NKAIN3: variants seen among roughly 807,000 people sequenced by gnomAD.
The protein encoded by NKAIN3 is sodium/potassium-transporting ATPase subunit beta-1-interacting protein 3.
NKAIN3 carries 25 observed loss-of-function variants against 30.2 expected under a neutral mutation model. The observed-to-expected ratio is 0.83, with a 90% CI of 0.60 to 1.16. NKAIN3 has a LOEUF of 1.16. NKAIN3 is among the 50% of genes most tolerant of loss of function. NKAIN3 has a pLI of 0.00. For missense variants in NKAIN3, 225 were observed against 254.1 expected, an observed-to-expected ratio of 0.89 and a Z score of 0.78; for synonymous variants, 91 against 89.6, an observed-to-expected ratio of 1.02 and a Z score of -0.09.
intron 4 of NKAIN3, among the ~76,000 whole-genome samples, chr8:62,859,584 A>T (rs907410979): frequency 1.3e-5 from 2 of 151,728 alleles, no homozygotes; most frequent in South Asian, 2.1e-4. Context: ...AACCAAAACC[A>T]CATAAATATA....
chr8:62,325,505 A>G (rs112209494), intron 1 of NKAIN3, among the ~76,000 whole-genome samples: 11,881 of 151,990 alleles, frequency 0.078, 1,542 homozygotes, highest in African/African-American at 0.27. Context: ...CCTAGCAGTG[A>G]GATTGCTGGA....
intron 5 of NKAIN3, among the ~76,000 whole-genome samples, chr8:62,935,411 C>T (rs972587589): frequency 6.6e-6 from 1 of 152,074 alleles, no homozygotes; most frequent in Non-Finnish European, 1.5e-5. Context: ...ATCGCCATTA[C>T]CTTGTATAAG....
chr8:62,275,472 C>T (rs1357235247), intron 1 of NKAIN3, among the ~76,000 whole-genome samples: 1 of 152,122 alleles, frequency 6.6e-6, no homozygotes, highest in Non-Finnish European at 1.5e-5. Context: ...TCTGTTATTT[C>T]CCCCACATTA....
intron 3 of NKAIN3, among the ~76,000 whole-genome samples, chr8:62,654,508 C>T (rs1812712590): frequency 6.6e-6 from 1 of 151,986 alleles, no homozygotes; most frequent in Admixed American, 6.6e-5. Flanking sequence ...ATGATACAAG[C>T]TTCTAAAGAA....
In NKAIN3 at chr8:62,846,891, G is replaced by A. The variant is rs146441335; in HGVS notation, c.472-71562G>A. ...TGAGGAGCAAAGTCATGTCTTACACGGTGGCAGGCAAGAGAGCTTGTGCAG... is the reference window on the plus strand; with the variant it reads ...TGAGGAGCAAAGTCATGTCTTACACAGTGGCAGGCAAGAGAGCTTGTGCAG... On this transcript the variant is annotated intron_variant, in intron 4 of 6. Coordinates refer to ENST00000623646, the MANE Select transcript of NKAIN3 (RefSeq NM_001304533.3). 8.8e-3 allele frequency among the ~76,000 whole-genome samples: 1,343 copies of A among 152,194 alleles called. 18 individuals carry two copies. Among genetic ancestry groups the A allele is most frequent in the African/African-American group, 0.031 (1,294 of 41,530 alleles).
At chr8:62,744,240 C>CA (rs1301423469) in intron 3 of NKAIN3, among the ~76,000 whole-genome samples, 1 of 152,140 alleles carries the variant, frequency 6.6e-6, no homozygotes, top group East Asian at 1.9e-4. Flanking sequence ...AGCTCCCACA[C>CA]AAAAAACTTA....
chr8:62,255,789 G>T (rs1812243485), intron 1 of NKAIN3, among the ~76,000 whole-genome samples: 1 of 152,176 alleles, frequency 6.6e-6, no homozygotes, highest in African/African-American at 2.4e-5. Flanking sequence ...GGACAGTGCT[G>T]CCCTCATGGG....
intron 1 of NKAIN3, among the ~76,000 whole-genome samples, chr8:62,415,263 T>C (rs1476694130): frequency 6.9e-6 from 1 of 143,958 alleles, no homozygotes; most frequent in Non-Finnish European, 1.5e-5. Context: ...AAATATAATA[T>C]ACACTATAGT....
intron 1 of NKAIN3, among the ~76,000 whole-genome samples, chr8:62,503,786 C>A (rs1807539204): frequency 6.6e-6 from 1 of 152,080 alleles, no homozygotes. Flanking sequence ...GGCAGTCAGA[C>A]CTTATGGTTG....
intron 3 of NKAIN3, among the ~76,000 whole-genome samples, chr8:62,720,130 G>A (rs149824015): frequency 2.0e-5 from 3 of 152,090 alleles, no homozygotes; most frequent in Admixed American, 2.0e-4. Context: ...TTTTATGTAG[G>A]ATTGTGTCAA....
At chr8:62,643,011 A>G (rs1160470431) in intron 3 of NKAIN3, among the ~76,000 whole-genome samples, 2 of 152,146 alleles carry the variant, frequency 1.3e-5, no homozygotes, top group East Asian at 3.9e-4. Context: ...ATTTTGGAGC[A>G]TTTTTTGGTT....
intron 1 of NKAIN3, among the ~76,000 whole-genome samples, chr8:62,534,482 A>G (rs1247763502): frequency 2.6e-5 from 4 of 152,144 alleles, no homozygotes; most frequent in Non-Finnish European, 4.4e-5. Context: ...AACATCATTA[A>G]ATGTATTTTT....
chr8:62,965,473 T>C lies in NKAIN3; in HGVS notation c.*66T>C. ...CCCGCCTGACATTCCTTCCAGAGGC[T>C]AGACTGTGCTTCCTGGCTTTCCCAC... is the stretch of plus-strand genomic sequence containing the variant. On this transcript the variant is annotated 3_prime_UTR_variant, in exon 7 of 7. Transcript: ENST00000623646. 1.0e-6 allele frequency: 1 copy of C among 985,780 alleles called. No homozygotes were observed. The highest frequency in any genetic ancestry group is 1.2e-6 in the Non-Finnish European group (1 of 829,914). 61.1% of individuals were successfully genotyped at this position (985,780 alleles called of 1,614,324 possible).
At chr8:62,268,234 G>A (rs1812665954) in intron 1 of NKAIN3, among the ~76,000 whole-genome samples, 1 of 152,156 alleles carries the variant, frequency 6.6e-6, no homozygotes, top group Non-Finnish European at 1.5e-5. Flanking sequence ...TACTCAACTG[G>A]AGAAGGAAGA....
At chr8:62,482,467 G>C (rs1044367389) in intron 1 of NKAIN3, 1 of 152,238 alleles carries the variant, frequency 6.6e-6, no homozygotes, top group African/African-American at 2.4e-5. Context: ...TGCTCAGGGA[G>C]AGCTGTGGTG....
intron 6 of NKAIN3, among the ~76,000 whole-genome samples, chr8:62,964,537 A>AGT (rs56313500): frequency 0.15 from 19,812 of 132,972 alleles, 1,523 homozygotes; most frequent in Non-Finnish European, 0.18. Context: ...AGAGAGAGAG[A>AGT]GTGTGTGTGT....
Position 62,826,755 on chromosome 8 carries a change from A to T in NKAIN3, c.471+79626A>T, listed in dbSNP as rs1228326831. ...TTTTGGAAATGCTAATTAATTATACATTATTTATTGGAAATACAATGCTCT... is the reference window on the plus strand; with the variant it reads ...TTTTGGAAATGCTAATTAATTATACTTTATTTATTGGAAATACAATGCTCT... On this transcript the variant is annotated intron_variant, in intron 4 of 6. Transcript: ENST00000623646. Among the ~76,000 whole-genome samples the T allele has an allele frequency of 2.0e-5, 3 of 152,194 alleles. No homozygotes were observed. The East Asian group carries it at 5.8e-4, about 29-fold the overall frequency.
intron 3 of NKAIN3, among the ~76,000 whole-genome samples, chr8:62,707,045 TCA>T (rs1563524864): frequency 5.7e-5 from 8 of 140,776 alleles, no homozygotes; most frequent in African/African-American, 2.1e-4. Flanking sequence ...TAGTATTCCA[TCA>T]TACATACATA....
intron 3 of NKAIN3, among the ~76,000 whole-genome samples, chr8:62,729,023 C>A (rs906220931): frequency 4.2e-5 from 1 of 23,612 alleles, no homozygotes; most frequent in Non-Finnish European, 8.2e-5. Flanking sequence ...AACAAACAAA[C>A]CAAAAAAAAA....
Sources: allele counts gnomAD v4.1 joint callset (sites outside exome capture counted in the v4.1 genomes callset), GRCh38; gene constraint gnomAD v4.1.1; transcripts MANE v1.5; gene names NCBI Gene and HGNC (gene_info 2026-07-23, HGNC 2026-07-21).